The following CACNA1A variants were observed in gnomAD, a reference collection of about 807,000 sequenced individuals.
CACNA1A encodes calcium voltage-gated channel subunit alpha1 A.
CACNA1A carries 57 observed loss-of-function variants against 262.4 expected under a neutral mutation model. That is an observed-to-expected ratio of 0.22 (90% CI 0.18 to 0.27). The LOEUF is 0.27. CACNA1A is among the 10% of genes least tolerant of loss of function. CACNA1A has a pLI of 1.00. For synonymous variants in CACNA1A, 1,431 were observed against 1,419.3 expected (o/e 1.01, Z -0.18); for missense variants, 2,526 against 3,562.8 (o/e 0.71, Z 7.41).
intron 22 of CACNA1A, among the ~76,000 whole-genome samples, chr19:13,281,955 C>T (rs921897756): frequency 1.3e-5 from 2 of 152,226 alleles, no homozygotes; most frequent in African/African-American, 4.8e-5. Flanking sequence ...AAGGCAACGC[C>T]TTCTTCAGCA....
intron 1 of CACNA1A, among the ~76,000 whole-genome samples, chr19:13,473,747 TC>T (rs199671109): frequency 3.3e-4 from 22 of 67,470 alleles, no homozygotes; most frequent in South Asian, 7.7e-4. Context: ...CATGGCAGGC[TC>T]CCCCCCACCC....
intron 3 of CACNA1A, among the ~76,000 whole-genome samples, chr19:13,406,467 A>C (rs540176622): frequency 9.3e-5 from 1 of 10,788 alleles, no homozygotes; most frequent in African/African-American, 2.9e-4. Flanking sequence ...AAAAAAAATT[A>C]TATATATATA....
At chr19:13,499,891 G>A (rs917776187) in intron 1 of CACNA1A, among the ~76,000 whole-genome samples, 3 of 152,040 alleles carry the variant, frequency 2.0e-5, no homozygotes, top group African/African-American at 4.8e-5. Flanking sequence ...TTTCTGGATG[G>A]AGTCCACCTT....
intron 31 of CACNA1A, among the ~76,000 whole-genome samples, chr19:13,238,061 G>A (rs2055938317): frequency 6.6e-6 from 1 of 152,200 alleles, no homozygotes; most frequent in South Asian, 2.1e-4. Flanking sequence ...AGTGGGGGAG[G>A]AGACACATGA....
Position 13,297,057 on chromosome 19 carries a change from G to C in CACNA1A, c.3089+1487C>G, listed in dbSNP as rs139310342. On this transcript the variant is annotated intron_variant, in intron 19 of 46. Coordinates refer to ENST00000360228, the MANE Select transcript of CACNA1A (RefSeq NM_001127222.2). ...TTCAAACTTCCAAAGAATAGCATTAGGTAAATAGAGTTGGCTGAAAATGGC... is the reference window on the plus strand; with the variant it reads ...TTCAAACTTCCAAAGAATAGCATTACGTAAATAGAGTTGGCTGAAAATGGC... 3.2e-4 allele frequency among the ~76,000 whole-genome samples: 48 copies of C among 152,228 alleles called. 1 individual carries two copies. The East Asian group carries it at 8.7e-3, about 28-fold the overall frequency.
intron 24 of CACNA1A, among the ~76,000 whole-genome samples, chr19:13,265,844 A>AC (rs1216233456): frequency 6.9e-6 from 1 of 145,352 alleles, no homozygotes; most frequent in African/African-American, 2.5e-5. Flanking sequence ...TGTTAGATTT[A>AC]CTTTTTTTTT....
chr19:13,235,913 A>G, intron 31 of CACNA1A, 183 bp from the exon 32 acceptor site: 1 of 561,784 alleles, frequency 1.8e-6, no homozygotes, highest in Non-Finnish European at 3.2e-6. Flanking sequence ...CGAAAAAGGA[A>G]TAATGTTGGG....
At chr19:13,288,300 C>A (rs994047068) in intron 19 of CACNA1A, among the ~76,000 whole-genome samples, 2 of 151,432 alleles carry the variant, frequency 1.3e-5, no homozygotes, top group Non-Finnish European at 2.9e-5. Flanking sequence ...AGTGCAGTGG[C>A]AGGATCTTGG....
At chr19:13,432,514 A>G (rs965849881) in intron 3 of CACNA1A, among the ~76,000 whole-genome samples, 4 of 152,044 alleles carry the variant, frequency 2.6e-5, no homozygotes, top group Non-Finnish European at 5.9e-5. Flanking sequence ...GGTGGTTACC[A>G]GGGGCTGGTG....
chr19:13,431,241 T>G (rs2060498531), intron 3 of CACNA1A, among the ~76,000 whole-genome samples: 1 of 149,902 alleles, frequency 6.7e-6, no homozygotes, highest in African/African-American at 2.5e-5. Flanking sequence ...GAGACCAGAT[T>G]GGGGTGGAGG....
At chr19:13,304,253 T>C (rs2057851548) in intron 15 of CACNA1A, among the ~76,000 whole-genome samples, 1 of 151,962 alleles carries the variant, frequency 6.6e-6, no homozygotes. Context: ...GATGGGATGG[T>C]ATTTGGAGAT....
Position 13,227,878 on chromosome 19 carries a change from G to A in CACNA1A, c.5529-351C>T, listed in dbSNP as rs75042139. ...AGGGAGAATTCTCACTTTGGAAGAC[G>A]TAGAGCCATGCTTTTGTTCATTGCC... On this transcript the variant is annotated intron_variant, in intron 36 of 46. Coordinates refer to ENST00000360228, the MANE Select transcript of CACNA1A (RefSeq NM_001127222.2). Among the ~76,000 whole-genome samples, 635 of 146,944 alleles carry A rather than the reference G, an allele frequency of 4.3e-3. 17 individuals carry two copies. The East Asian group carries it at 0.05, about 12-fold the overall frequency.
chr19:13,325,065 C>CCCT (rs1197751735), intron 10 of CACNA1A, among the ~76,000 whole-genome samples: 1 of 141,018 alleles, frequency 7.1e-6, no homozygotes, highest in African/African-American at 2.7e-5. Context: ...CTTCCCCTTC[C>CCCT]TCCTCCTCTT....
chr19:13,453,886 CTTTAT>C (rs1476609346), intron 2 of CACNA1A, among the ~76,000 whole-genome samples: 1 of 151,962 alleles, frequency 6.6e-6, no homozygotes, highest in African/African-American at 2.4e-5. Context: ...TTTTATTTAG[CTTTAT>C]TTTAAGTGAA....
At chr19:13,259,457 C>A (rs1394589441) in intron 27 of CACNA1A, 107 bp downstream of exon 27, 2 of 1,083,698 alleles carry the variant, frequency 1.8e-6, no homozygotes, top group Admixed American at 2.6e-5. Flanking sequence ...CAGGCGTGAG[C>A]CACCATGCCC....
intron 1 of CACNA1A, among the ~76,000 whole-genome samples, chr19:13,490,225 A>T (rs1980590394): frequency 6.6e-6 from 1 of 152,226 alleles, no homozygotes; most frequent in Admixed American, 6.5e-5. Flanking sequence ...CATTCCTGCA[A>T]GAAAATGCTA....
chr19:13,365,835 G>A (rs1436182897), intron 4 of CACNA1A: 2 of 168,716 alleles, frequency 1.2e-5, no homozygotes, highest in African/African-American at 4.8e-5. Flanking sequence ...GCCTGGCTAA[G>A]TTTTAAAACT....
At chr19:13,429,167 T>TACAC (rs56218610) in intron 3 of CACNA1A, among the ~76,000 whole-genome samples, 2,770 of 141,200 alleles carry the variant, frequency 0.02, 57 homozygotes, top group African/African-American at 0.053. Context: ...TCACTGTGCG[T>TACAC]ACACACACAC....
chr19:13,462,841 C>G (rs1007636154), intron 1 of CACNA1A, among the ~76,000 whole-genome samples: 2 of 152,154 alleles, frequency 1.3e-5, no homozygotes, highest in Admixed American at 1.3e-4. Context: ...CTCACTGTAG[C>G]CTTGACCTCC....
Sources: allele counts gnomAD v4.1 joint callset (sites outside exome capture counted in the v4.1 genomes callset), GRCh38; gene constraint gnomAD v4.1.1; transcripts MANE v1.5; gene names NCBI Gene and HGNC (gene_info 2026-07-23, HGNC 2026-07-21).